The following SPART variants were observed in gnomAD, a reference collection of about 807,000 sequenced individuals.
SPART encodes the protein spastic paraplegia 20 (Troyer syndrome).
A neutral mutation model predicts 58.7 loss-of-function variants in SPART; 35 were observed. The ratio of observed to expected loss-of-function variants is 0.60; its 90% CI spans 0.46 to 0.79. SPART has a LOEUF of 0.79. SPART is among the 30% of genes least tolerant of loss of function. SPART has a pLI of 0.00. For synonymous variants in SPART, 284 were observed against 280.7 expected, an observed-to-expected ratio of 1.01 and a Z score of -0.12; for missense variants, 730 against 786.1, an observed-to-expected ratio of 0.93 and a Z score of 0.85.
intron 5 of SPART, among the ~76,000 whole-genome samples, chr13:36,321,638 C>T (rs1882411107): frequency 6.6e-6 from 1 of 152,104 alleles, no homozygotes; most frequent in African/African-American, 2.4e-5. Context: ...CCCTGAGAAA[C>T]ATCGCCCATT....
chr13:36,306,495 A>ACT (rs993105266), intron 8 of SPART, among the ~76,000 whole-genome samples: 3 of 151,796 alleles, frequency 2.0e-5, no homozygotes, highest in African/African-American at 4.8e-5. Flanking sequence ...TCACAACATA[A>ACT]CTCACAGTCA....
chr13:36,368,407 T>A, intron 1 of SPART: 1 of 159,492 alleles, frequency 6.3e-6, no homozygotes. Flanking sequence ...CTCCAAAATT[T>A]CAATGATTCT....
chr13:36,366,006 G>A (rs191785784), intron 1 of SPART, among the ~76,000 whole-genome samples: 127 of 152,168 alleles, frequency 8.3e-4, no homozygotes, highest in Non-Finnish European at 1.4e-3. Flanking sequence ...TCCTCTCTCT[G>A]GTCTCTCTAA....
chr13:36,360,756 C>T (rs1023306136), intron 1 of SPART: 1 of 152,802 alleles, frequency 6.5e-6, no homozygotes, highest in Non-Finnish European at 1.5e-5. Context: ...AATTCTTCTT[C>T]TCTTGCCCCC....
intron 1 of SPART, among the ~76,000 whole-genome samples, chr13:36,363,760 G>GT (rs138489307): frequency 0.24 from 36,296 of 149,880 alleles, 4,776 homozygotes; most frequent in South Asian, 0.41. Context: ...CAGCCTGTTG[G>GT]TTTTTTTTGT....
At chr13:36,360,085 G>C (rs1210964701) in intron 1 of SPART, among the ~76,000 whole-genome samples, 3 of 151,732 alleles carry the variant, frequency 2.0e-5, no homozygotes, top group African/African-American at 7.3e-5. Context: ...CACGAGGTCA[G>C]GAGATCGAGA....
intron 6 of SPART, chr13:36,312,696 G>C (rs1349833080): frequency 1.5e-5 from 9 of 581,468 alleles, no homozygotes; most frequent in Non-Finnish European, 2.7e-5. Context: ...TCCTGCCTCT[G>C]CCTCCTGAGT....
rs376109811 is a variant in SPART, at chr13:36,331,402, G to C, written c.1005C>G (p.Leu335=). Residue 335 remains leucine, a synonymous_variant, in exon 3 of 9, where the codon CTC becomes CTG. Coordinates refer to ENST00000438666, the MANE Select transcript of SPART (RefSeq NM_015087.5). ...DLLRQMSDLR[L]QANWNRAEEE... Reference sequence around the variant, plus strand: ...TAAAGATGATCACACAAGTTACCTGGAGCCGAAGGTCAGACATTTGCCTTA... The same window carrying C: ...TAAAGATGATCACACAAGTTACCTGCAGCCGAAGGTCAGACATTTGCCTTA... 4 of 1,613,962 alleles carry C rather than the reference G, an allele frequency of 2.5e-6. No individual in the cohort carries two copies. The African/African-American group carries it at 4.0e-5, about 16-fold the overall frequency.
intron 8 of SPART, among the ~76,000 whole-genome samples, chr13:36,305,305 A>T (rs918741770): frequency 6.6e-6 from 1 of 152,026 alleles, no homozygotes; most frequent in African/African-American, 2.4e-5. Flanking sequence ...CTTTTTCCAC[A>T]TGCCCACCTC....
chr13:36,350,271 G>C (rs1422855909), upstream of SPART, among the ~76,000 whole-genome samples: 1 of 152,058 alleles, frequency 6.6e-6, no homozygotes, highest in African/African-American at 2.4e-5. Flanking sequence ...TGAGGTCTCT[G>C]AGTAAGTTAT....
intron 6 of SPART, chr13:36,312,731 T>C: frequency 7.5e-6 from 4 of 533,676 alleles, no homozygotes; most frequent in East Asian, 3.4e-5. Flanking sequence ...GCATGAAGCA[T>C]AGACTGGTTA....
upstream of SPART, among the ~76,000 whole-genome samples, chr13:36,351,274 A>T (rs1593289030): frequency 6.6e-6 from 1 of 151,168 alleles, no homozygotes; most frequent in Middle Eastern, 3.2e-3. Context: ...GTTCAAGACC[A>T]CCCTGGGCAA....
chr13:36,364,491 G>C (rs575475611), intron 1 of SPART, among the ~76,000 whole-genome samples: 12 of 152,228 alleles, frequency 7.9e-5, no homozygotes, highest in Admixed American at 7.2e-4. Context: ...GCTGGATACT[G>C]TCCCACACCT....
chr13:36,352,249 C>T (rs902943654), intron 1 of SPART, among the ~76,000 whole-genome samples: 1 of 152,198 alleles, frequency 6.6e-6, no homozygotes, highest in African/African-American at 2.4e-5. Flanking sequence ...TAACTTTCCT[C>T]TTACAGACCA....
At chr13:36,320,206 G>C (rs148197892) in intron 5 of SPART, among the ~76,000 whole-genome samples, 1 of 151,986 alleles carries the variant, frequency 6.6e-6, no homozygotes, top group Non-Finnish European at 1.5e-5. Context: ...CATACCTGAC[G>C]CATATACTTT....
chr13:36,329,589 A>C (rs1883272793), intron 3 of SPART, 72 bp from the exon 4 acceptor site: 1 of 1,458,388 alleles, frequency 6.9e-7, no homozygotes, highest in Non-Finnish European at 9.6e-7. Context: ...GCTATATTAC[A>C]CCATGCTCAA....
intron 1 of SPART, chr13:36,370,070 A>C (rs1006548639): frequency 1.3e-5 from 2 of 152,224 alleles, no homozygotes; most frequent in African/African-American, 4.8e-5. Flanking sequence ...ATGATAATAA[A>C]GTTTATCTCT....
At chr13:36,343,557 G>A (rs1367173403) in intron 1 of SPART, among the ~76,000 whole-genome samples, 1 of 152,144 alleles carries the variant, frequency 6.6e-6, no homozygotes, top group Admixed American at 6.5e-5. Context: ...AACCAAAAGT[G>A]TGCAAGAGGG....
intron 8 of SPART, among the ~76,000 whole-genome samples, chr13:36,309,446 A>G (rs553428350): frequency 9.2e-5 from 14 of 152,292 alleles, no homozygotes; most frequent in Admixed American, 3.3e-4. Context: ...TCACATGTTC[A>G]CTGCACTATT....
Sources: allele counts gnomAD v4.1 joint callset (sites outside exome capture counted in the v4.1 genomes callset), GRCh38; gene constraint gnomAD v4.1.1; transcripts MANE v1.5; gene names NCBI Gene and HGNC (gene_info 2026-07-23, HGNC 2026-07-21).